Variants in EYS observed in about 807,000 individuals in gnomAD.
EYS encodes the protein protein eyes shut homolog.
EYS carries 250 observed loss-of-function variants against 282.1 expected under a neutral mutation model. The observed-to-expected ratio is 0.89, with a 90% CI of 0.80 to 0.98. EYS has a LOEUF of 0.98. EYS is among the 50% of genes least tolerant of loss of function. The pLI is 0.00. For synonymous variants in EYS, 1,355 were observed against 1,282.9 expected, an observed-to-expected ratio of 1.06 and a Z score of -1.20; for missense variants, 4,016 against 3,709.0, an observed-to-expected ratio of 1.08 and a Z score of -2.15.
chr6:63,869,628 A>G (rs1236464120), intron 35 of EYS, among the ~76,000 whole-genome samples: 1 of 152,180 alleles, frequency 6.6e-6, no homozygotes, highest in East Asian at 1.9e-4. Context: ...TTATCTAAAT[A>G]CATTAAATGA....
In EYS at chr6:63,927,081, A is replaced by G. The variant is rs550819583; in HGVS notation, c.7055+57302T>C. 1.3e-5 allele frequency among the ~76,000 whole-genome samples: 2 copies of G among 152,252 alleles called. 1 individual carries two copies. The highest frequency in any genetic ancestry group is 4.1e-4 in the South Asian group (2 of 4,830). ...ATAAAATGGACATGGTCTTGGAGTC[A>G]TAGGAAAACTTGGGTTCTTAGTCTG... is the stretch of plus-strand genomic sequence containing the variant. On this transcript the variant is annotated intron_variant, in intron 35 of 42. Coordinates refer to ENST00000503581, the MANE Select transcript of EYS (RefSeq NM_001142800.2).
At chr6:65,636,202 T>G (rs2149810870) in intron 2 of EYS, among the ~76,000 whole-genome samples, 1 of 152,334 alleles carries the variant, frequency 6.6e-6, no homozygotes, top group South Asian at 2.1e-4. Flanking sequence ...CTGCGCAAAA[T>G]TTTTCAATGA....
chr6:64,264,842 T>C (rs1203271420), intron 30 of EYS, among the ~76,000 whole-genome samples: 1 of 152,020 alleles, frequency 6.6e-6, no homozygotes, highest in Admixed American at 6.6e-5. Flanking sequence ...AAGCTGAGGT[T>C]GCAATGAGCC....
chr6:64,428,684 C>T (rs1774489258), intron 28 of EYS, among the ~76,000 whole-genome samples: 1 of 152,092 alleles, frequency 6.6e-6, no homozygotes, highest in Admixed American at 6.6e-5. Flanking sequence ...TTATCCAATT[C>T]TTACTAAAAG....
At chr6:63,888,953 G>A (rs1773338320) in intron 35 of EYS, among the ~76,000 whole-genome samples, 1 of 152,188 alleles carries the variant, frequency 6.6e-6, no homozygotes. Context: ...TAAATGACCT[G>A]ATGGAGCTGA....
chr6:64,207,743 C>T (rs1005004412), intron 31 of EYS, among the ~76,000 whole-genome samples: 6 of 152,052 alleles, frequency 3.9e-5, no homozygotes, highest in African/African-American at 7.2e-5. Flanking sequence ...CTGCAACCTC[C>T]GCCTCCCAAG....
intron 26 of EYS, among the ~76,000 whole-genome samples, chr6:64,442,134 G>A (rs573262193): frequency 7.4e-4 from 113 of 152,262 alleles, no homozygotes; most frequent in Non-Finnish European, 1.3e-3. Context: ...ATGAAATCCA[G>A]GCTAAGGTGG....
intron 16 of EYS, among the ~76,000 whole-genome samples, chr6:64,908,695 G>GA (rs1767904201): frequency 6.6e-6 from 1 of 152,066 alleles, no homozygotes; most frequent in Non-Finnish European, 1.5e-5. Context: ...GTCTCTTCCC[G>GA]AAAGTCAGGC....
At chr6:64,262,947 A>G (rs926132358) in intron 30 of EYS, among the ~76,000 whole-genome samples, 1 of 151,984 alleles carries the variant, frequency 6.6e-6, no homozygotes, top group Admixed American at 6.6e-5. Context: ...ACATTATTAC[A>G]CTGGTGCTAA....
rs1440002262 is a variant in EYS, at chr6:65,003,801, G to A, written c.2138-6098C>T. Among the ~76,000 whole-genome samples the A allele has an allele frequency of 1.4e-5, 2 of 147,618 alleles. 1 individual carries two copies. The highest frequency in any genetic ancestry group is 3.0e-5 in the Non-Finnish European group (2 of 65,960). ...GGATCATGTAGAAATATATTTTAAA[G>A]GAGGTGAGATAAAACCAAATAAGAT... On this transcript the variant is annotated intron_variant, in intron 13 of 42. Coordinates refer to ENST00000503581, the MANE Select transcript of EYS (RefSeq NM_001142800.2).
intron 35 of EYS, among the ~76,000 whole-genome samples, chr6:63,930,337 G>A (rs1375494153): frequency 8.7e-6 from 1 of 114,712 alleles, no homozygotes; most frequent in African/African-American, 3.4e-5. Context: ...TTTACATTCA[G>A]TTTTGTAACC....
intron 41 of EYS, among the ~76,000 whole-genome samples, chr6:63,761,353 C>A (rs1769637263): frequency 6.6e-6 from 1 of 151,990 alleles, no homozygotes; most frequent in Non-Finnish European, 1.5e-5. Context: ...TACAAAACTT[C>A]ATCTCATTAT....
intron 22 of EYS, among the ~76,000 whole-genome samples, chr6:64,656,874 A>G (rs1768769364): frequency 6.6e-6 from 1 of 152,200 alleles, no homozygotes; most frequent in Admixed American, 6.5e-5. Flanking sequence ...TTGAAATGGT[A>G]GGATGAGAGG....
In EYS at chr6:64,449,885, C is replaced by T. The variant is rs189417629; in HGVS notation, c.5645-10533G>A. Among the ~76,000 whole-genome samples, 1,247 of 152,178 alleles carry T rather than the reference C, an allele frequency of 8.2e-3. 7 individuals are homozygous for T. The highest frequency in any genetic ancestry group is 0.044 in the Middle Eastern group (13 of 294). Reference sequence around the variant, plus strand: ...TAAACATGGAAAGGAACAACCGGTACCAGCCACTGCAGAAACATGCCAAAT... The same window carrying T: ...TAAACATGGAAAGGAACAACCGGTATCAGCCACTGCAGAAACATGCCAAAT... On this transcript the variant is annotated intron_variant, in intron 26 of 42. Coordinates refer to ENST00000503581, the MANE Select transcript of EYS (RefSeq NM_001142800.2).
At chr6:64,470,190 CTT>C (rs1423853419) in intron 26 of EYS, among the ~76,000 whole-genome samples, 3 of 152,172 alleles carry the variant, frequency 2.0e-5, no homozygotes, top group Non-Finnish European at 2.9e-5. Flanking sequence ...TCTTTTCTCT[CTT>C]TGTCTTGTGT....
chr6:64,558,082 C>T (rs1765286889), intron 26 of EYS, among the ~76,000 whole-genome samples: 2 of 152,018 alleles, frequency 1.3e-5, no homozygotes, highest in Non-Finnish European at 2.9e-5. Flanking sequence ...TTCTCTTTAA[C>T]TTTTGAACTG....
At chr6:64,467,768 G>A (rs1464192865) in intron 26 of EYS, among the ~76,000 whole-genome samples, 1 of 152,010 alleles carries the variant, frequency 6.6e-6, no homozygotes, top group African/African-American at 2.4e-5. Flanking sequence ...GAGGAATAAG[G>A]GAGTGCCCAC....
chr6:63,817,806 G>C (rs1206522285), intron 36 of EYS, among the ~76,000 whole-genome samples: 2 of 152,204 alleles, frequency 1.3e-5, no homozygotes, highest in East Asian at 3.9e-4. Flanking sequence ...CTGCCCTGCA[G>C]TTGGTTGGAT....
intron 15 of EYS, among the ~76,000 whole-genome samples, chr6:64,926,624 T>C (rs1292054110): frequency 2.0e-5 from 3 of 152,200 alleles, no homozygotes; most frequent in Non-Finnish European, 4.4e-5. Flanking sequence ...ACATGAGTTG[T>C]TACCTGCATT....
Sources: gnomAD v4.1 joint callset for allele counts (sites outside exome capture counted in the v4.1 genomes callset) on GRCh38, gnomAD v4.1.1 for gene constraint, MANE v1.5 for transcripts, NCBI Gene and HGNC (gene_info 2026-07-23, HGNC 2026-07-21) for gene names.